Variants in ULK4 observed in about 807,000 individuals in gnomAD.
ULK4 encodes unc-51 like kinase 4.
A neutral mutation model predicts 160.6 loss-of-function variants in ULK4; 133 were observed. The observed-to-expected ratio is 0.83, with a 90% CI of 0.72 to 0.96. The LOEUF (loss-of-function observed/expected upper bound fraction) is 0.96, where lower values mean the gene tolerates loss of function less well. Among genes scored for constraint, ULK4 ranks in the 40% least tolerant of loss-of-function variants. The pLI is 0.00. For synonymous variants in ULK4, 534 were observed against 539.8 expected (o/e 0.99, Z 0.15); for missense variants, 1,580 against 1,499.5 (o/e 1.05, Z -0.89).
intron 27 of ULK4, among the ~76,000 whole-genome samples, chr3:41,691,381 T>G (rs2036292108): frequency 6.6e-6 from 1 of 151,898 alleles, no homozygotes; most frequent in African/African-American, 2.4e-5. Flanking sequence ...AGTTGCCCAC[T>G]TGGCCCTCTT....
At chr3:41,921,838 A>T (rs568316110) in intron 5 of ULK4, among the ~76,000 whole-genome samples, 2 of 152,294 alleles carry the variant, frequency 1.3e-5, no homozygotes, top group East Asian at 3.9e-4. Context: ...CCAGACAAAG[A>T]AGTAAGGAAG....
intron 30 of ULK4, among the ~76,000 whole-genome samples, chr3:41,636,370 A>AC (rs1404199043): frequency 1.3e-5 from 2 of 152,016 alleles, no homozygotes; most frequent in Non-Finnish European, 2.9e-5. Flanking sequence ...CCTCATCTTT[A>AC]CAAAAAATAC....
At chr3:41,665,240 G>A (rs1047247634) in intron 29 of ULK4, among the ~76,000 whole-genome samples, 7 of 152,092 alleles carry the variant, frequency 4.6e-5, no homozygotes, top group Non-Finnish European at 7.4e-5. Flanking sequence ...TATATAGCCT[G>A]TAAGCCCACA....
intron 31 of ULK4, among the ~76,000 whole-genome samples, chr3:41,573,458 T>A (rs1490718535): frequency 1.3e-5 from 2 of 152,158 alleles, no homozygotes; most frequent in African/African-American, 4.8e-5. Flanking sequence ...TTGGTAAGGA[T>A]CTAAATAGTC....
chr3:41,716,291 CA>C (rs567758009), intron 23 of ULK4, among the ~76,000 whole-genome samples: 1 of 149,340 alleles, frequency 6.7e-6, no homozygotes. Flanking sequence ...TTACAACTAT[CA>C]AAAAAAAGAG....
chr3:41,637,663 TGTAAGAGTTCC>T (rs1369835672), intron 30 of ULK4, among the ~76,000 whole-genome samples: 1 of 152,196 alleles, frequency 6.6e-6, no homozygotes, highest in African/African-American at 2.4e-5. Flanking sequence ...GTCAACAATG[TGTAAGAGTTCC>T]CTTTTCTCCA....
At chr3:41,961,552 C>CA (rs1342390551) in intron 1 of ULK4, among the ~76,000 whole-genome samples, 1 of 8,272 alleles carries the variant, frequency 1.2e-4, no homozygotes, top group African/African-American at 2.2e-4. Flanking sequence ...AGTCACTCAC[C>CA]CCCCCCCCCC....
At chr3:41,285,409 C>A (rs1300579459) in intron 35 of ULK4, among the ~76,000 whole-genome samples, 1 of 152,086 alleles carries the variant, frequency 6.6e-6, no homozygotes, top group African/African-American at 2.4e-5. Flanking sequence ...ACTACTCAGC[C>A]ATAAAAAGGA....
intron 27 of ULK4, among the ~76,000 whole-genome samples, chr3:41,686,578 GA>G (rs1421904311): frequency 1.3e-5 from 2 of 152,180 alleles, no homozygotes; most frequent in Admixed American, 6.5e-5. Context: ...TAATAATCCA[GA>G]GGATACCAGA....
chr3:41,701,622 A>C (rs1288018385), intron 27 of ULK4, among the ~76,000 whole-genome samples: 1 of 152,210 alleles, frequency 6.6e-6, no homozygotes, highest in East Asian at 1.9e-4. Flanking sequence ...ATGAAAACTA[A>C]AAAAAGAAGC....
chr3:41,829,300 T>C (rs796542444), intron 18 of ULK4, among the ~76,000 whole-genome samples: 11,991 of 127,490 alleles, frequency 0.094, 758 homozygotes, highest in Middle Eastern at 0.19. Context: ...ACAAATGGGA[T>C]CTAATTAAAC....
At chr3:41,319,484 C>T (rs1272560836) in intron 35 of ULK4, among the ~76,000 whole-genome samples, 1 of 152,224 alleles carries the variant, frequency 6.6e-6, no homozygotes, top group African/African-American at 2.4e-5. Context: ...GGAGAACCTA[C>T]AGGCCTCTGA....
chr3:41,731,801 C>G (rs2037834865), intron 22 of ULK4, among the ~76,000 whole-genome samples: 1 of 151,864 alleles, frequency 6.6e-6, no homozygotes, highest in Non-Finnish European at 1.5e-5. Flanking sequence ...ACCAATGACA[C>G]ACAATGGAGA....
chr3:41,589,430 C>CAAAAAAAAA (rs34913730), intron 31 of ULK4, among the ~76,000 whole-genome samples: 2 of 72,112 alleles, frequency 2.8e-5, no homozygotes, highest in African/African-American at 5.4e-5. Flanking sequence ...AAGGCCAGGC[C>CAAAAAAAAA]AAAAAAAAAA....
At chr3:41,462,336 T>C (rs894870331) in intron 33 of ULK4, among the ~76,000 whole-genome samples, 4 of 152,188 alleles carry the variant, frequency 2.6e-5, no homozygotes, top group Non-Finnish European at 4.4e-5. Context: ...TTGATATACA[T>C]CTCTTGCAAT....
At chr3:41,441,880 G>C (rs991608933) in intron 34 of ULK4, among the ~76,000 whole-genome samples, 1 of 151,994 alleles carries the variant, frequency 6.6e-6, no homozygotes, top group East Asian at 1.9e-4. Context: ...AGCACTGTTA[G>C]GTCTATTTGA....
At chr3:41,781,924 A>G (rs2039854141) in intron 21 of ULK4, among the ~76,000 whole-genome samples, 1 of 152,218 alleles carries the variant, frequency 6.6e-6, no homozygotes, top group South Asian at 2.1e-4. Context: ...GGGCAACCAC[A>G]GCAAAATTCC....
At chr3:41,855,130 G>T (rs2042305825) in intron 17 of ULK4, among the ~76,000 whole-genome samples, 1 of 152,078 alleles carries the variant, frequency 6.6e-6, no homozygotes, top group African/African-American at 2.4e-5. Context: ...GTCAGCAGAG[G>T]CCTCCCCATT....
At chr3:41,293,195 A>T (rs572261079) in intron 35 of ULK4, among the ~76,000 whole-genome samples, 1 of 152,196 alleles carries the variant, frequency 6.6e-6, no homozygotes, top group South Asian at 2.1e-4. Flanking sequence ...TATCATTTAG[A>T]TAACCAAGCC....
Sources: allele counts gnomAD v4.1 joint callset (sites outside exome capture counted in the v4.1 genomes callset), GRCh38; gene constraint gnomAD v4.1.1; transcripts MANE v1.5; gene names NCBI Gene and HGNC (gene_info 2026-07-23, HGNC 2026-07-21).